CTTNBP2: variants seen among roughly 807,000 people sequenced by gnomAD.
CTTNBP2 encodes the protein cortactin binding protein 2, also known as cortactin-binding protein 2.
A neutral mutation model predicts 156.9 loss-of-function variants in CTTNBP2; 108 were observed. The ratio of observed to expected loss-of-function variants is 0.69; its 90% CI spans 0.59 to 0.81. The LOEUF (loss-of-function observed/expected upper bound fraction) is 0.81, where lower values mean the gene tolerates loss of function less well. Ranked by LOEUF, CTTNBP2 falls within the 30% of genes least tolerant of loss-of-function variation. CTTNBP2 has a pLI of 0.00. For missense variants in CTTNBP2, 1,924 were observed against 2,035.4 expected (o/e 0.95, Z 1.05); for synonymous variants, 767 against 751.8 (o/e 1.02, Z -0.33).
At chr7:117,719,072 C>T (rs539350224) in intron 21 of CTTNBP2, among the ~76,000 whole-genome samples, 2 of 152,122 alleles carry the variant, frequency 1.3e-5, no homozygotes, top group Non-Finnish European at 2.9e-5. Flanking sequence ...GTGGGGGACA[C>T]ACCTGTAATC....
chr7:117,854,820 T>C (rs1397873850), intron 2 of CTTNBP2, among the ~76,000 whole-genome samples: 1 of 152,208 alleles, frequency 6.6e-6, no homozygotes, highest in Non-Finnish European at 1.5e-5. Flanking sequence ...AGTCTCGCTC[T>C]ATCACCCAGG....
intron 14 of CTTNBP2, among the ~76,000 whole-genome samples, chr7:117,741,168 G>T (rs1273764272): frequency 6.6e-6 from 1 of 152,140 alleles, no homozygotes; most frequent in Admixed American, 6.5e-5. Flanking sequence ...TAATGATGAG[G>T]CCTCTACAAT....
In CTTNBP2 at chr7:117,760,639, C is replaced by T. The variant is rs1386659932; in HGVS notation, c.2968G>A (p.Glu990Lys). The change falls in exon 10 of 23, where the codon GAA (glutamate) becomes AAA (lysine). Residue 990 changes from glutamate to lysine, a missense_variant. Glu to Lys is a moderately conservative substitution (Grantham distance 56). Coordinates refer to ENST00000160373, the MANE Select transcript of CTTNBP2 (RefSeq NM_033427.3). ...AAAGCACATATTGTGTTTTCACATTCCAAGTCATCAGAACCATAGTTGCTT... is the reference window on the plus strand; with the variant it reads ...AAAGCACATATTGTGTTTTCACATTTCAAGTCATCAGAACCATAGTTGCTT... ...EPSNYGSDDLECENTICALNI... is the reference protein window; with the variant it reads ...EPSNYGSDDLKCENTICALNI... 2 of 1,613,714 alleles carry T rather than the reference C, an allele frequency of 1.2e-6. No homozygotes were observed. The highest frequency in any genetic ancestry group is 2.7e-5 in the African/African-American group (2 of 74,880).
At chr7:117,869,454 C>T (rs951894580) in intron 1 of CTTNBP2, among the ~76,000 whole-genome samples, 1 of 152,120 alleles carries the variant, frequency 6.6e-6, no homozygotes, top group African/African-American at 2.4e-5. Context: ...TTGTGCTAAC[C>T]ACCTTTGCTT....
At chr7:117,724,759 A>G in intron 18 of CTTNBP2, 27 bp from the exon 19 acceptor site, 1 of 1,609,870 alleles carries the variant, frequency 6.2e-7, no homozygotes, top group East Asian at 2.2e-5. Context: ...CACAGCAGGG[A>G]TAATGCAGTT....
chr7:117,811,843 AATTAAAATTTTAAT>A (rs1800302254), intron 2 of CTTNBP2, among the ~76,000 whole-genome samples: 2 of 59,424 alleles, frequency 3.4e-5, no homozygotes, highest in African/African-American at 2.1e-4. Context: ...ATTTTAATTA[AATTAAAATTTTAAT>A]GTAAAAATTT....
Position 117,791,880 on chromosome 7 carries a change from G to C in CTTNBP2, c.1316C>G (p.Pro439Arg). ...TGCTTGGATTCGTGGGTTTAGACCT[G>C]GATGCAAAGAGGTGTTGGCACATGG... is the stretch of plus-strand genomic sequence containing the variant. Reference protein sequence around the residue: ...HSPCANTSLHPGLNPRIQAAR... With the variant: ...HSPCANTSLHRGLNPRIQAAR... Residue 439 changes from proline to arginine, a missense_variant, in exon 4 of 23, where the codon CCA becomes CGA. Transcript: ENST00000160373. 6.2e-7 allele frequency: 1 copy of C among 1,614,162 alleles called. No homozygotes were observed. Among genetic ancestry groups the C allele is most frequent in the Non-Finnish European group, 8.5e-7 (1 of 1,180,042 alleles).
At chr7:117,807,677 G>A (rs953191347) in intron 3 of CTTNBP2, among the ~76,000 whole-genome samples, 5 of 152,140 alleles carry the variant, frequency 3.3e-5, no homozygotes, top group African/African-American at 1.2e-4. Context: ...CAAAAAAGAA[G>A]GACCTGGGGA....
At chr7:117,772,431 G>T (rs1228718224) in intron 8 of CTTNBP2, among the ~76,000 whole-genome samples, 1 of 152,184 alleles carries the variant, frequency 6.6e-6, no homozygotes, top group Admixed American at 6.5e-5. Context: ...GGAGAAGCAA[G>T]AATTGCAGCA....
In CTTNBP2 at chr7:117,711,597, G is replaced by C. The variant is rs1313280985; in HGVS notation, c.4932C>G (p.Asn1644Lys). The change falls in exon 23 of 23, where the codon AAC (asparagine) becomes AAG (lysine). Residue 1644 changes from asparagine to lysine, a missense_variant. Physicochemically the swap from Asn to Lys is moderately conservative, Grantham distance 94. Coordinates refer to ENST00000160373, the MANE Select transcript of CTTNBP2 (RefSeq NM_033427.3). ...GTAAGTTCCAATTCACTTCTTTTGA[G>C]TTGTTGTTGATTTCTATTTGCCTTG... The part of the protein sequence containing the change: ...SNTRQIEINN[N>K]SKEVNWNLHK... The C allele has an allele frequency of 2.5e-6, 4 of 1,613,828 alleles. No individual in the cohort carries two copies. The highest frequency in any genetic ancestry group is 8.5e-7 in the Non-Finnish European group (1 of 1,179,836).
intron 12 of CTTNBP2, among the ~76,000 whole-genome samples, chr7:117,752,034 G>A (rs372057254): frequency 1.0e-3 from 158 of 152,292 alleles, no homozygotes; most frequent in African/African-American, 3.7e-3. Flanking sequence ...CCTTTCCTAA[G>A]AAAGATCAGA....
At chr7:117,779,412 A>G (rs1798278791) in intron 7 of CTTNBP2, among the ~76,000 whole-genome samples, 1 of 152,176 alleles carries the variant, frequency 6.6e-6, no homozygotes, top group South Asian at 2.1e-4. Context: ...CTATACTTCT[A>G]AAGGTTTTGT....
At chr7:117,723,462 T>C (rs1189805708) in intron 19 of CTTNBP2, among the ~76,000 whole-genome samples, 1 of 152,068 alleles carries the variant, frequency 6.6e-6, no homozygotes, top group African/African-American at 2.4e-5. Context: ...AACAAATACT[T>C]TGAGAGAGGA....
chr7:117,819,878 T>C (rs982107195), intron 2 of CTTNBP2, among the ~76,000 whole-genome samples: 6 of 152,232 alleles, frequency 3.9e-5, no homozygotes, highest in African/African-American at 1.4e-4. Context: ...GACTTTGATT[T>C]ATTTTGTTCC....
chr7:117,720,727 A>C (rs542836795), intron 20 of CTTNBP2, among the ~76,000 whole-genome samples: 11 of 152,298 alleles, frequency 7.2e-5, no homozygotes, highest in Non-Finnish European at 1.3e-4. Flanking sequence ...GTTTCTGTAA[A>C]TCTGTGGAAA....
intron 4 of CTTNBP2, among the ~76,000 whole-genome samples, chr7:117,788,777 A>G (rs1342471611): frequency 6.6e-6 from 1 of 152,186 alleles, no homozygotes; most frequent in Non-Finnish European, 1.5e-5. Context: ...CTCAGTAAAC[A>G]CTTGCTGAAT....
intron 2 of CTTNBP2, among the ~76,000 whole-genome samples, chr7:117,818,531 T>G (rs1053429813): frequency 6.6e-6 from 1 of 152,128 alleles, no homozygotes; most frequent in Non-Finnish European, 1.5e-5. Context: ...GGGTGTCAAT[T>G]AACAAGATAT....
intron 2 of CTTNBP2, among the ~76,000 whole-genome samples, chr7:117,819,387 A>T (rs1332382109): frequency 0.012 from 1,749 of 149,838 alleles, 65 homozygotes; most frequent in African/African-American, 0.04. Context: ...ACACACACAC[A>T]CACACACACA....
intron 2 of CTTNBP2, among the ~76,000 whole-genome samples, chr7:117,846,774 T>C (rs979638433): frequency 3.3e-5 from 5 of 152,134 alleles, no homozygotes; most frequent in Non-Finnish European, 5.9e-5. Flanking sequence ...ACCATCTTCA[T>C]TCCTTAGTTA....
Sources: gnomAD v4.1 joint callset for allele counts (sites outside exome capture counted in the v4.1 genomes callset) on GRCh38, gnomAD v4.1.1 for gene constraint, MANE v1.5 for transcripts, NCBI Gene and HGNC (gene_info 2026-07-23, HGNC 2026-07-21) for gene names.